Variants in COMMD10 observed in about 807,000 individuals in gnomAD.
COMMD10 encodes the protein COMM domain containing 10.
Under a neutral mutation model 28.9 loss-of-function variants are expected in COMMD10, and 33 were observed. That is an observed-to-expected ratio of 1.14 (90% CI 0.87 to 1.53). COMMD10 has a LOEUF of 1.53. Among genes scored for constraint, COMMD10 ranks in the 40% most tolerant of loss-of-function variants. COMMD10 has a pLI of 0.00. For synonymous variants in COMMD10, 110 were observed against 81.7 expected (o/e 1.35, Z -1.87); for missense variants, 310 against 233.4 (o/e 1.33, Z -2.14).
chr5:116,185,278 C>G (rs148837449), intron 5 of COMMD10, among the ~76,000 whole-genome samples: 3 of 151,928 alleles, frequency 2.0e-5, no homozygotes, highest in African/African-American at 2.4e-5. Flanking sequence ...GCTCTGAGTC[C>G]TAGGTGTCTT....
intron 5 of COMMD10, among the ~76,000 whole-genome samples, chr5:116,172,578 A>C (rs1753371010): frequency 6.6e-6 from 1 of 152,128 alleles, no homozygotes; most frequent in African/African-American, 2.4e-5. Flanking sequence ...TCAGTCCTAC[A>C]GAGTTTTAGT....
At chr5:116,220,986 A>G (rs1749235434) in intron 5 of COMMD10, among the ~76,000 whole-genome samples, 1 of 152,142 alleles carries the variant, frequency 6.6e-6, no homozygotes, top group African/African-American at 2.4e-5. Context: ...CTATTGTCCT[A>G]CAATCACAAA....
chr5:116,164,408 TGGG>T (rs1753024547), intron 5 of COMMD10, among the ~76,000 whole-genome samples: 1 of 152,154 alleles, frequency 6.6e-6, no homozygotes, highest in Non-Finnish European at 1.5e-5. Context: ...TCCAAATAAG[TGGG>T]GGTAATTGAC....
intron 5 of COMMD10, among the ~76,000 whole-genome samples, chr5:116,140,509 C>T (rs1382276261): frequency 6.6e-6 from 1 of 151,740 alleles, no homozygotes; most frequent in Admixed American, 6.6e-5. Flanking sequence ...AACTGTTGTC[C>T]TTAATGGCTA....
intron 4 of COMMD10, among the ~76,000 whole-genome samples, chr5:116,118,390 T>G (rs1385223649): frequency 6.6e-6 from 1 of 152,208 alleles, no homozygotes; most frequent in Non-Finnish European, 1.5e-5. Context: ...CTACTTTTGG[T>G]CTTTGGGAGA....
At chr5:116,092,738 CAT>C (rs981357728) in intron 4 of COMMD10, 38 bp downstream of exon 4, 3 of 1,414,338 alleles carry the variant, frequency 2.1e-6, no homozygotes, top group Admixed American at 2.4e-5. Flanking sequence ...TTTTCAATAA[CAT>C]ATGGCATAAA....
chr5:116,142,424 C>G (rs533764663), intron 5 of COMMD10, among the ~76,000 whole-genome samples: 60 of 151,690 alleles, frequency 4.0e-4, no homozygotes, highest in Non-Finnish European at 7.1e-4. Context: ...ATTAGAGAAG[C>G]CTTCTTAGGA....
intron 4 of COMMD10, among the ~76,000 whole-genome samples, chr5:116,121,872 C>A (rs139676542): frequency 2.4e-4 from 37 of 152,238 alleles, no homozygotes; most frequent in African/African-American, 8.7e-4. Flanking sequence ...TTTGTAGATT[C>A]TGGATGCTAG....
chr5:116,168,271 C>T (rs1286299693), intron 5 of COMMD10, among the ~76,000 whole-genome samples: 2 of 151,664 alleles, frequency 1.3e-5, no homozygotes, highest in Non-Finnish European at 2.9e-5. Context: ...GGGATCAGTG[C>T]AACAAGAAGA....
chr5:116,202,696 G>A lies in COMMD10; in HGVS notation c.510+68518G>A, dbSNP rs1748701192. 7.9e-5 allele frequency among the ~76,000 whole-genome samples: 12 copies of A among 151,816 alleles called. No homozygotes were observed. In the South Asian group the frequency reaches 1.7e-3, roughly 21 times the overall value. ...GCATCAGTGTCTTCTTTTGAGAAGT[G>A]TCTGTTCATATCCTTTGCCCACTTT... On this transcript the variant is annotated intron_variant, in intron 5 of 6. Transcript: ENST00000274458.
chr5:116,292,716 C>T lies in COMMD10; in HGVS notation c.*227C>T, dbSNP rs1751402927. 2.4e-6 allele frequency: 1 copy of T among 417,078 alleles called. No homozygotes were observed. Among genetic ancestry groups the T allele is most frequent in the Non-Finnish European group, 4.2e-6 (1 of 235,824 alleles). The allele number at this position is 417,078 out of a possible 1,614,324, so 25.8% of individuals were successfully genotyped here. On this transcript the variant is annotated 3_prime_UTR_variant, in exon 7 of 7. Coordinates refer to ENST00000274458, the MANE Select transcript of COMMD10 (RefSeq NM_016144.4). ...GTGAGCCAACAGTAATTATTAAGAA[C>T]ACTTTCCCTTTAAAGGAAACAAAAG...
At chr5:116,235,970 C>T (rs1580570894) in intron 5 of COMMD10, among the ~76,000 whole-genome samples, 1 of 152,168 alleles carries the variant, frequency 6.6e-6, no homozygotes, top group East Asian at 1.9e-4. Context: ...ATTATTTGTG[C>T]CCACCTGTTA....
chr5:116,236,767 C>G (rs554698177), intron 5 of COMMD10, among the ~76,000 whole-genome samples: 6 of 152,116 alleles, frequency 3.9e-5, no homozygotes, highest in African/African-American at 1.4e-4. Context: ...TTCAAACTCA[C>G]AGAATTTACA....
chr5:116,253,956 T>G (rs1055856280), intron 5 of COMMD10, among the ~76,000 whole-genome samples: 2 of 152,226 alleles, frequency 1.3e-5, no homozygotes, highest in Admixed American at 1.3e-4. Context: ...AAGCTATTGA[T>G]TATTGCCACA....
intron 2 of COMMD10, among the ~76,000 whole-genome samples, chr5:116,090,005 G>C (rs1474945045): frequency 1.3e-5 from 2 of 152,196 alleles, no homozygotes; most frequent in Non-Finnish European, 2.9e-5. Context: ...AACTGAGGCA[G>C]GCAGATTGGT....
intron 5 of COMMD10, among the ~76,000 whole-genome samples, chr5:116,160,599 C>T (rs1329269407): frequency 2.0e-5 from 3 of 151,612 alleles, no homozygotes; most frequent in African/African-American, 7.3e-5. Context: ...GAAGAAAAAG[C>T]CTAAGGAAGA....
intron 5 of COMMD10, among the ~76,000 whole-genome samples, chr5:116,169,701 C>T (rs1397410206): frequency 6.6e-6 from 1 of 152,108 alleles, no homozygotes; most frequent in African/African-American, 2.4e-5. Context: ...AATGAATAAA[C>T]GTGATCCATT....
intron 5 of COMMD10, among the ~76,000 whole-genome samples, chr5:116,250,114 C>CT (rs1412583534): frequency 1.3e-5 from 2 of 151,696 alleles, no homozygotes; most frequent in African/African-American, 4.8e-5. Flanking sequence ...AGAAATCTGA[C>CT]TTTTTACTTT....
chr5:116,204,431 C>CT (rs899916582), intron 5 of COMMD10, among the ~76,000 whole-genome samples: 5 of 151,324 alleles, frequency 3.3e-5, no homozygotes, highest in Admixed American at 6.6e-5. Context: ...CTCCATCCTC[C>CT]TTTTTTTTTC....
Sources: gnomAD v4.1 joint callset for allele counts (sites outside exome capture counted in the v4.1 genomes callset) on GRCh38, gnomAD v4.1.1 for gene constraint, MANE v1.5 for transcripts, NCBI Gene and HGNC (gene_info 2026-07-23, HGNC 2026-07-21) for gene names.